The following ELAVL4 variants were observed in gnomAD, a reference collection of about 807,000 sequenced individuals.
The protein encoded by ELAVL4 is ELAV-like protein 4.
Under a neutral mutation model 35.6 loss-of-function variants are expected in ELAVL4, and 1 was observed. That is an observed-to-expected ratio of 0.03 (90% confidence interval 0.01 to 0.13). ELAVL4 has a LOEUF of 0.13. ELAVL4 is among the 10% of genes least tolerant of loss of function. ELAVL4 has a pLI of 1.00. For synonymous variants in ELAVL4, 156 were observed against 171.0 expected (o/e 0.91, Z 0.69); for missense variants, 267 against 464.9 (o/e 0.57, Z 3.91).
chr1:50,088,741 G>C (rs1335802264), intron 1 of ELAVL4, among the ~76,000 whole-genome samples: 1 of 152,044 alleles, frequency 6.6e-6, no homozygotes, highest in Non-Finnish European at 1.5e-5. Context: ...AGGATAGACA[G>C]GCTCCTTCAA....
intron 2 of ELAVL4, among the ~76,000 whole-genome samples, chr1:50,162,709 A>G (rs750470089): frequency 1.3e-5 from 2 of 152,038 alleles, no homozygotes; most frequent in Non-Finnish European, 2.9e-5. Flanking sequence ...TCAGCCACCC[A>G]AGTAGCTGGG....
At chr1:50,052,156 A>G (rs916554345) in intron 1 of ELAVL4, among the ~76,000 whole-genome samples, 1 of 152,230 alleles carries the variant, frequency 6.6e-6, no homozygotes, top group Non-Finnish European at 1.5e-5. Flanking sequence ...CCAGTAACAC[A>G]TGGTTTTAGT....
chr1:50,066,516 G>C (rs1664272516), intron 1 of ELAVL4, among the ~76,000 whole-genome samples: 1 of 152,130 alleles, frequency 6.6e-6, no homozygotes, highest in Non-Finnish European at 1.5e-5. Context: ...TCTAACTGCT[G>C]TTGGCCAACT....
intron 2 of ELAVL4, among the ~76,000 whole-genome samples, chr1:50,158,646 T>G (rs1016641317): frequency 2.0e-5 from 3 of 152,178 alleles, no homozygotes; most frequent in African/African-American, 7.2e-5. Context: ...CTCCCCACTA[T>G]GCAATTCTGT....
At chr1:50,109,952 T>C (rs757415914) in intron 1 of ELAVL4, 2 of 1,612,312 alleles carry the variant, frequency 1.2e-6, no homozygotes, top group Non-Finnish European at 8.5e-7. Flanking sequence ...TGGAGTGGAA[T>C]GGCTTGAAGA....
upstream of ELAVL4, chr1:50,103,871 A>C: frequency 3.8e-6 from 6 of 1,585,764 alleles, no homozygotes; most frequent in Non-Finnish European, 5.2e-6. Flanking sequence ...AAAGGTCTGC[A>C]GCTGTGTTCG....
At chr1:50,089,201 C>T (rs1045362441) in intron 1 of ELAVL4, among the ~76,000 whole-genome samples, 18 of 152,290 alleles carry the variant, frequency 1.2e-4, no homozygotes, top group African/African-American at 4.3e-4. Context: ...AAGAACTTAT[C>T]ATTACAGTGT....
At chr1:50,120,682 C>A (rs932384417) in intron 1 of ELAVL4, among the ~76,000 whole-genome samples, 2 of 152,016 alleles carry the variant, frequency 1.3e-5, no homozygotes, top group African/African-American at 4.8e-5. Context: ...CTCTTCTGGT[C>A]ATAATGTGAT....
Position 50,093,830 on chromosome 1 carries a change from C to T in ELAVL4, c.18+45648C>T, listed in dbSNP as rs373172054. Among the ~76,000 whole-genome samples, 122 of 152,250 alleles carry T rather than the reference C, an allele frequency of 8.0e-4. 4 individuals carry two copies. In the South Asian group the frequency reaches 0.022, roughly 28 times the overall value. On this transcript the variant is annotated intron_variant, in intron 1 of 6. Transcript: ENST00000448907. ...ATGATTGTACATATCCTAGCTTTCT[C>T]GTGGTTATAAGAATAACACAGTAAA...
upstream of ELAVL4, among the ~76,000 whole-genome samples, chr1:50,100,518 AGTT>A: frequency 6.6e-6 from 1 of 152,306 alleles, no homozygotes; most frequent in East Asian, 1.9e-4. Flanking sequence ...ATCTCGCCTC[AGTT>A]CAGGCTTCTC....
intron 1 of ELAVL4, among the ~76,000 whole-genome samples, chr1:50,078,970 A>G (rs1415929604): frequency 3.3e-5 from 5 of 152,138 alleles, no homozygotes. Context: ...ATTGAGTACC[A>G]TCCATTAAAT....
At chr1:50,140,213 A>G (rs1672592626) in intron 1 of ELAVL4, among the ~76,000 whole-genome samples, 1 of 152,210 alleles carries the variant, frequency 6.6e-6, no homozygotes, top group Non-Finnish European at 1.5e-5. Flanking sequence ...AGACCCACAC[A>G]GAATGTTTCA....
rs182979126 is a variant in ELAVL4, at chr1:50,084,403, C to T, written c.18+36221C>T. On this transcript the variant is annotated intron_variant, in intron 1 of 6. Coordinates refer to the ELAVL4 transcript ENST00000448907. ...TAGTTCCAAAGCCTATACTGTCCCACATAACCACTGTTAACATTCTAGATT... is the reference window on the plus strand; with the variant it reads ...TAGTTCCAAAGCCTATACTGTCCCATATAACCACTGTTAACATTCTAGATT... 1.6e-3 allele frequency among the ~76,000 whole-genome samples: 238 copies of T among 152,296 alleles called. 1 individual carries two copies. Among genetic ancestry groups the T allele is most frequent in the African/African-American group, 5.1e-3 (214 of 41,572 alleles).
chr1:50,119,210 A>G (rs1249807822), intron 1 of ELAVL4, among the ~76,000 whole-genome samples: 2 of 152,082 alleles, frequency 1.3e-5, no homozygotes, highest in African/African-American at 4.8e-5. Flanking sequence ...GTGTGTGTCT[A>G]TACATATTGT....
chr1:50,097,019 C>A (rs1255954831), intron 1 of ELAVL4, among the ~76,000 whole-genome samples: 2 of 152,058 alleles, frequency 1.3e-5, no homozygotes, highest in East Asian at 3.9e-4. Context: ...AGTTTGAGAC[C>A]AACCTGGGCA....
At chr1:50,138,373 G>T (rs906607196) in intron 1 of ELAVL4, among the ~76,000 whole-genome samples, 23 of 152,206 alleles carry the variant, frequency 1.5e-4, no homozygotes, top group Admixed American at 1.2e-3. Flanking sequence ...TAGGGCCAAG[G>T]CATTCAATAG....
At chr1:50,121,393 C>A (rs931857187) in intron 1 of ELAVL4, among the ~76,000 whole-genome samples, 3 of 151,628 alleles carry the variant, frequency 2.0e-5, no homozygotes, top group Admixed American at 6.6e-5. Context: ...GGGTCTCGAC[C>A]GGCATTAAAA....
At chr1:50,136,274 A>G (rs963874795) in intron 1 of ELAVL4, among the ~76,000 whole-genome samples, 1 of 152,110 alleles carries the variant, frequency 6.6e-6, no homozygotes, top group Non-Finnish European at 1.5e-5. Flanking sequence ...AACTTTGGGA[A>G]TTTGTTTTTC....
At chr1:50,107,216 G>A (rs540186774), upstream of ELAVL4, among the ~76,000 whole-genome samples, 1 of 152,282 alleles carries the variant, frequency 6.6e-6, no homozygotes, top group Admixed American at 6.5e-5. Context: ...TAGTACTATT[G>A]TGACTCACAG....
Sources: allele counts gnomAD v4.1 joint callset (sites outside exome capture counted in the v4.1 genomes callset), GRCh38; gene constraint gnomAD v4.1.1; transcripts MANE v1.5; gene names NCBI Gene and HGNC (gene_info 2026-07-23, HGNC 2026-07-21).